ASXL2: variants seen among roughly 807,000 people sequenced by gnomAD.
ASXL2 encodes the protein putative Polycomb group protein ASXL2.
A neutral mutation model predicts 122.0 loss-of-function variants in ASXL2; 23 were observed. That is an observed-to-expected ratio of 0.19 (90% CI 0.14 to 0.27). The LOEUF is 0.27. Among genes scored for constraint, ASXL2 ranks in the 10% least tolerant of loss-of-function variants. ASXL2 has a pLI of 1.00. For missense variants in ASXL2, 1,518 were observed against 1,713.8 expected, an observed-to-expected ratio of 0.89 and a Z score of 2.02; for synonymous variants, 650 against 637.0, an observed-to-expected ratio of 1.02 and a Z score of -0.31.
At chr2:25,778,032 A>G (rs79818227) in intron 5 of ASXL2, among the ~76,000 whole-genome samples, 126 of 152,328 alleles carry the variant, frequency 8.3e-4, no homozygotes, top group East Asian at 6.4e-3. Context: ...TTGCCAAAAG[A>G]TATATAGCCA....
Position 25,768,830 on chromosome 2 carries a change from T to TTGC in ASXL2, c.540_542dup (p.Gln181dup), listed in dbSNP as rs1559505607. The TTGC allele has an allele frequency of 6.2e-7, 1 of 1,613,812 alleles. No homozygotes were observed. Reference sequence around the variant, plus strand: ...AGGAGATGGATATGCTTGGCCTGCATTGCTGCTGCTGCTTCTTCTGCTGTT... The same window carrying TTGC: ...AGGAGATGGATATGCTTGGCCTGCATTGCTGCTGCTGCTGCTTCTTCTGCTGTT... On this transcript the variant is annotated inframe_insertion, in exon 7 of 13. Coordinates refer to ENST00000435504, the MANE Select transcript of ASXL2 (RefSeq NM_018263.6).
At chr2:25,832,757 T>C (rs79335429) in intron 3 of ASXL2, among the ~76,000 whole-genome samples, 1 of 152,216 alleles carries the variant, frequency 6.6e-6, no homozygotes, top group African/African-American at 2.4e-5. Context: ...GAAGTTTTAT[T>C]TTTAATAGCC....
chr2:25,821,480 G>A (rs768875030), intron 3 of ASXL2, among the ~76,000 whole-genome samples: 3 of 151,676 alleles, frequency 2.0e-5, no homozygotes, highest in Non-Finnish European at 4.4e-5. Context: ...AAAAATATGC[G>A]GGGCTGGGCG....
At position 25,737,142 on chromosome 2, in the gene ASXL2, T is replaced by G. The variant is rs1482580066; in HGVS notation, c.*4887A>C. ...TCTCTTCACATTATTTTCCTTGCTCTTTGACCTCTCCAGATTAGACGGGCA... is the reference window on the plus strand; with the variant it reads ...TCTCTTCACATTATTTTCCTTGCTCGTTGACCTCTCCAGATTAGACGGGCA... On this transcript the variant is annotated 3_prime_UTR_variant, in exon 13 of 13. Coordinates refer to ENST00000435504, the MANE Select transcript of ASXL2 (RefSeq NM_018263.6). The G allele has an allele frequency of 6.6e-6, 1 of 152,058 alleles. No individual in the cohort carries two copies. The highest frequency in any genetic ancestry group is 1.5e-5 in the Non-Finnish European group (1 of 68,012). 9.4% of individuals were successfully genotyped at this position (152,058 alleles called of 1,614,324 possible). A position where few individuals can be genotyped will look rare whatever the true frequency, so the allele number is the denominator to read the frequency against.
chr2:25,831,095 G>T (rs1357351498), intron 3 of ASXL2, among the ~76,000 whole-genome samples: 1 of 151,976 alleles, frequency 6.6e-6, no homozygotes, highest in African/African-American at 2.4e-5. Flanking sequence ...CAAGGTGGGT[G>T]AATCACTTGA....
intron 3 of ASXL2, among the ~76,000 whole-genome samples, chr2:25,825,753 T>G (rs771791586): frequency 6.6e-6 from 1 of 152,240 alleles, no homozygotes; most frequent in Admixed American, 6.5e-5. Context: ...TGAACACTAG[T>G]GTTAAAACTA....
At chr2:25,779,333 A>G (rs1349733999) in intron 5 of ASXL2, among the ~76,000 whole-genome samples, 2 of 152,022 alleles carry the variant, frequency 1.3e-5, no homozygotes, top group Non-Finnish European at 2.9e-5. Context: ...CCAGATCTCA[A>G]GTAATCCACC....
intron 3 of ASXL2, among the ~76,000 whole-genome samples, chr2:25,814,178 C>T (rs573802644): frequency 3.3e-5 from 5 of 152,158 alleles, no homozygotes; most frequent in Admixed American, 2.0e-4. Context: ...GGACACAGTA[C>T]CATTTAAAAC....
chr2:25,770,416 C>T (rs913414721), intron 6 of ASXL2, among the ~76,000 whole-genome samples: 1 of 152,126 alleles, frequency 6.6e-6, no homozygotes, highest in Non-Finnish European at 1.5e-5. Context: ...GCTAGGATTA[C>T]AGGCGTGAGT....
intron 3 of ASXL2, among the ~76,000 whole-genome samples, chr2:25,807,412 C>T (rs1014128844): frequency 6.6e-6 from 1 of 152,086 alleles, no homozygotes; most frequent in African/African-American, 2.4e-5. Flanking sequence ...GGTTTTCATC[C>T]CCCCAAAACA....
rs771257056 is a variant in ASXL2, at chr2:25,743,216, C to G, written c.3121G>C (p.Ala1041Pro). ...ATGCTGGAGTCCCTCAGCTCCTTAG[C>G]TGAAAAGAGCTGAAGGGGCCTTGGA... ...QVPRPLQLFS[A>P]KELRDSSIDT... The change falls in exon 13 of 13, where the codon GCT becomes CCT. Residue 1041 changes from alanine to proline, a missense_variant. Transcript: ENST00000435504. The G allele has an allele frequency of 1.4e-5, 23 of 1,613,672 alleles. No homozygotes were observed. Among genetic ancestry groups the G allele is most frequent in the Non-Finnish European group, 1.8e-5 (21 of 1,179,764 alleles).
intron 5 of ASXL2, among the ~76,000 whole-genome samples, chr2:25,776,339 ATACTT>A (rs2149159043): frequency 1.3e-5 from 2 of 149,548 alleles, no homozygotes; most frequent in African/African-American, 4.8e-5. Flanking sequence ...ATATGTATAA[ATACTT>A]TATTCTTTAT....
At chr2:25,863,735 G>A (rs1276691970) in intron 1 of ASXL2, among the ~76,000 whole-genome samples, 9 of 151,782 alleles carry the variant, frequency 5.9e-5, no homozygotes, top group African/African-American at 1.9e-4. Flanking sequence ...GTCGGGTGCC[G>A]TGGCTCACAC....
chr2:25,852,402 A>C (rs927870000), intron 1 of ASXL2, among the ~76,000 whole-genome samples: 6 of 152,244 alleles, frequency 3.9e-5, no homozygotes, highest in African/African-American at 1.4e-4. Context: ...TAACGGGAAT[A>C]TTTCAATTAC....
rs537386952 is a variant in ASXL2 at position 25,877,081 on chromosome 2, C to T, written c.57+1085G>A. ...CCAAATTTCCCCACAGTGAACATTA[C>T]TTTTATATTTAAAAAACTCATTAAA... On this transcript the variant is annotated intron_variant, in intron 1 of 12. Coordinates refer to ENST00000435504, the MANE Select transcript of ASXL2 (RefSeq NM_018263.6). 3.9e-5 allele frequency among the ~76,000 whole-genome samples: 6 copies of T among 152,164 alleles called. No homozygotes were observed. In the East Asian group the frequency reaches 1.2e-3, roughly 29 times the overall value.
chr2:25,828,171 C>T lies in ASXL2; in HGVS notation c.143+7367G>A, dbSNP rs140952370. 8.6e-3 allele frequency among the ~76,000 whole-genome samples: 1,316 copies of T among 152,238 alleles called. 8 individuals are homozygous for T. The highest frequency in any genetic ancestry group is 0.014 in the Non-Finnish European group (938 of 68,000). ...AGAAGGGCCTTAGAGAACAATCTAA[C>T]TTTTCACCTAAAGAGAAATAAGAAA... On this transcript the variant is annotated intron_variant, in intron 3 of 12. Transcript: ENST00000435504.
chr2:25,793,550 T>C (rs1187484884), intron 5 of ASXL2, among the ~76,000 whole-genome samples: 1 of 152,100 alleles, frequency 6.6e-6, no homozygotes, highest in East Asian at 1.9e-4. Flanking sequence ...CTATGAAGTA[T>C]TAGGGAGAGA....
At position 25,803,537 on chromosome 2, in the gene ASXL2, T is replaced by C. The variant is rs564617831; in HGVS notation, c.252+2692A>G. 3.3e-5 allele frequency among the ~76,000 whole-genome samples: 5 copies of C among 151,986 alleles called. No individual in the cohort carries two copies. The South Asian group carries it at 6.3e-4, about 19-fold the overall frequency. On this transcript the variant is annotated intron_variant, in intron 4 of 12. Coordinates refer to ENST00000435504, the MANE Select transcript of ASXL2 (RefSeq NM_018263.6). ...ATAGATAGATAGCATCAGAATGGAG[T>C]TGAATTACAGCAGTGGTCCCCAACC...
chr2:25,777,108 A>G (rs1328889528), intron 5 of ASXL2, among the ~76,000 whole-genome samples: 2 of 152,116 alleles, frequency 1.3e-5, no homozygotes, highest in Non-Finnish European at 2.9e-5. Context: ...GTTATTTTTG[A>G]GACAGGGTCT....
Sources: gnomAD v4.1 joint callset for allele counts (sites outside exome capture counted in the v4.1 genomes callset) on GRCh38, gnomAD v4.1.1 for gene constraint, MANE v1.5 for transcripts, NCBI Gene and HGNC (gene_info 2026-07-23, HGNC 2026-07-21) for gene names.